Variants in HCFC2 observed in about 807,000 individuals in gnomAD.
HCFC2 encodes the protein host cell factor C2.
HCFC2 carries 18 observed loss-of-function variants against 89.2 expected under a neutral mutation model. The observed-to-expected ratio is 0.20, with a 90% CI of 0.14 to 0.30. The LOEUF is 0.30. Ranked by LOEUF, HCFC2 falls within the 10% of genes least tolerant of loss-of-function variation. The pLI is 1.00. For missense variants in HCFC2, 578 were observed against 956.1 expected, an observed-to-expected ratio of 0.60 and a Z score of 5.21; for synonymous variants, 308 against 335.7, an observed-to-expected ratio of 0.92 and a Z score of 0.90.
At chr12:104,101,743 A>G (rs1164200481) in intron 13 of HCFC2, among the ~76,000 whole-genome samples, 2 of 152,178 alleles carry the variant, frequency 1.3e-5, no homozygotes, top group Non-Finnish European at 2.9e-5. Context: ...TCTCAACTGG[A>G]AAGAGTGCTC....
At chr12:104,096,461 T>C in intron 12 of HCFC2, 28 bp downstream of exon 12, 2 of 1,468,786 alleles carry the variant, frequency 1.4e-6, no homozygotes, top group South Asian at 1.2e-5. Flanking sequence ...TGATGATGCA[T>C]GTTTACACAT....
intron 13 of HCFC2, among the ~76,000 whole-genome samples, chr12:104,101,474 C>T (rs2029936176): frequency 6.6e-6 from 1 of 150,450 alleles, no homozygotes; most frequent in Admixed American, 6.6e-5. Context: ...CAGAGTGAGA[C>T]TCCGTCTCCA....
At chr12:104,097,539 G>A (rs1884212174) in intron 12 of HCFC2, 1 of 281,664 alleles carries the variant, frequency 3.6e-6, no homozygotes. Context: ...AGCTCACTTT[G>A]TCATGTGTGA....
At position 104,066,189 on chromosome 12, in the gene HCFC2, A is replaced by G. The variant is rs1240706507; in HGVS notation, c.186A>G (p.Pro62=). 2 of 1,613,158 alleles carry G rather than the reference A, an allele frequency of 1.2e-6. No individual in the cohort carries two copies. Among genetic ancestry groups the G allele is most frequent in the Non-Finnish European group, 1.7e-6 (2 of 1,179,802 alleles). The change falls in exon 2 of 15, where the codon CCA becomes CCG. Residue 62 remains proline (P), a synonymous_variant. Transcript: ENST00000229330. ...YNTATNQWFL[P]AVRGDIPPGC... is the part of the protein sequence containing the mutation. ...TAGCTACGAATCAGTGGTTTCTGCC[A>G]GCTGTTAGAGGAGATATCCCTCCAG... is the stretch of plus-strand genomic sequence containing the variant.
chr12:104,089,613 T>C (rs1883967601), intron 9 of HCFC2, among the ~76,000 whole-genome samples: 2 of 152,224 alleles, frequency 1.3e-5, no homozygotes, highest in Non-Finnish European at 2.9e-5. Context: ...TCTTCAATAA[T>C]GAAAGATGAC....
At chr12:104,101,394 A>C (rs1415708525) in intron 13 of HCFC2, among the ~76,000 whole-genome samples, 1 of 151,876 alleles carries the variant, frequency 6.6e-6, no homozygotes, top group African/African-American at 2.4e-5. Context: ...CTGAGGCAGG[A>C]GAATCGCTTG....
At chr12:104,093,293 T>C (rs1884078078) in intron 9 of HCFC2, 93 bp from the exon 10 acceptor site, 1 of 757,738 alleles carries the variant, frequency 1.3e-6, no homozygotes. Flanking sequence ...TGATAAAAAG[T>C]ATTTAAATTG....
rs1566231499 is a variant in HCFC2, at chr12:104,085,738, G to GT, written c.1064-1109_1064-1108insT. Reference sequence around the variant, plus strand: ...TTTTTTTCACTTTTAGTTAAACTTTGCATTTGATAGCATGTAAAAGAGTAA... The same window carrying GT: ...TTTTTTTCACTTTTAGTTAAACTTTGTCATTTGATAGCATGTAAAAGAGTAA... On this transcript the variant is annotated intron_variant, in intron 7 of 14. Transcript: ENST00000229330. Among the ~76,000 whole-genome samples the GT allele has an allele frequency of 2.0e-5, 3 of 147,292 alleles. No homozygotes were observed. In the South Asian group the frequency reaches 6.4e-4, roughly 32 times the overall value.
Position 104,087,716 on chromosome 12 carries a change from G to A in HCFC2, c.1232-270G>A, listed in dbSNP as rs141280483. ...TAAATTGACATATTAGTTGACTTCA[G>A]CAGATGGCTTTAATTTGCTTTCATA... On this transcript the variant is annotated intron_variant, in intron 8 of 14. Coordinates refer to ENST00000229330, the MANE Select transcript of HCFC2 (RefSeq NM_013320.3). Among the ~76,000 whole-genome samples the A allele has an allele frequency of 4.0e-3, 613 of 151,926 alleles. 3 individuals are homozygous for A. The highest frequency in any genetic ancestry group is 0.014 in the African/African-American group (583 of 41,450).
At chr12:104,075,010 AT>A (rs1250453732) in intron 3 of HCFC2, among the ~76,000 whole-genome samples, 2 of 151,260 alleles carry the variant, frequency 1.3e-5, no homozygotes, top group African/African-American at 2.4e-5. Context: ...ATTTTTAGTA[AT>A]TTTTTTTGAG....
At position 104,079,613 on chromosome 12, in the gene HCFC2, G is replaced by T; in HGVS notation, c.642G>T (p.Met214Ile). The change falls in exon 4 of 15, where the codon ATG (methionine) becomes ATT (isoleucine). Residue 214 changes from methionine (M) to isoleucine (I), a missense_variant. Met to Ile is a conservative substitution (Grantham distance 10). Coordinates refer to ENST00000229330, the MANE Select transcript of HCFC2 (RefSeq NM_013320.3). ...CTAAAATGTATGTTTTTGGTGGAATGTGTGGTGCTCGCCTGGATGACCTAT... is the reference window on the plus strand; with the variant it reads ...CTAAAATGTATGTTTTTGGTGGAATTTGTGGTGCTCGCCTGGATGACCTAT... ...GSPKMYVFGG[M>I]CGARLDDLWQ... 6.2e-7 allele frequency: 1 copy of T among 1,614,134 alleles called. No homozygotes were observed. The highest frequency in any genetic ancestry group is 8.5e-7 in the Non-Finnish European group (1 of 1,180,008).
chr12:104,085,054 A>G (rs534591203), intron 7 of HCFC2, among the ~76,000 whole-genome samples: 11 of 152,294 alleles, frequency 7.2e-5, no homozygotes, highest in African/African-American at 2.6e-4. Context: ...TGGAGATGTA[A>G]TATGTGATGT....
intron 4 of HCFC2, 123 bp from the exon 5 acceptor site, chr12:104,080,623 T>C: frequency 1.8e-6 from 1 of 545,728 alleles, no homozygotes; most frequent in Non-Finnish European, 3.2e-6. Flanking sequence ...AATGTTCAAA[T>C]AACTGTTCTA....
At chr12:104,077,903 G>A (rs1197864064) in intron 3 of HCFC2, among the ~76,000 whole-genome samples, 1 of 151,956 alleles carries the variant, frequency 6.6e-6, no homozygotes, top group Non-Finnish European at 1.5e-5. Context: ...TGGTTATTTA[G>A]ATCTCATAAC....
At chr12:104,097,736 C>A in intron 12 of HCFC2, 1 of 602,524 alleles carries the variant, frequency 1.7e-6, no homozygotes, top group Non-Finnish European at 2.1e-6. Context: ...CTAAAAGTAG[C>A]TTAAGGTAGA....
At position 104,104,787 on chromosome 12, in the gene HCFC2, A is replaced by C. The variant is rs1042772394; in HGVS notation, c.*1514A>C. The C allele has an allele frequency of 1.1e-4, 16 of 152,048 alleles. No individual in the cohort carries two copies. Among genetic ancestry groups the C allele is most frequent in the Non-Finnish European group, 2.1e-4 (14 of 67,900 alleles). 9.4% of individuals were successfully genotyped at this position (152,048 alleles called of 1,614,324 possible). On this transcript the variant is annotated 3_prime_UTR_variant, in exon 15 of 15. Transcript: ENST00000229330. ...AGTTTCTCTTGAAGAAAATATGCAA[A>C]TTGTTAGACACATAATGAGTGGTTT...
rs199962994 is a variant in HCFC2, at chr12:104,102,937, GTT to G, written c.2065-17_2065-16del. Reference sequence around the variant, plus strand: ...GAGGAAACTTAAGAACCTTTAACCTGTTTTTTCCCCCCCCCTTCAAGAATGTT... The same window carrying G: ...GAGGAAACTTAAGAACCTTTAACCTGTTTTCCCCCCCCCTTCAAGAATGTT... On this transcript the variant is annotated intron_variant, in intron 14 of 14. Coordinates refer to ENST00000229330, the MANE Select transcript of HCFC2 (RefSeq NM_013320.3). The G allele has an allele frequency of 3.2e-4, 511 of 1,573,738 alleles. 4 individuals carry two copies. In the African/African-American group the frequency reaches 6.2e-3, roughly 19 times the overall value.
Position 104,082,837 on chromosome 12 carries a change from A to G in HCFC2, c.999A>G (p.Arg333=). Residue 333 remains arginine, a synonymous_variant, in exon 7 of 15, where the codon AGA becomes AGG. Transcript: ENST00000229330. ...CTCGATTGTATTTTTGGAGTGGAAG[A>G]GATGGCTACAAAAAAGCACTGAATA... ...IGTRLYFWSG[R]DGYKKALNSQ... 6.2e-7 allele frequency: 1 copy of G among 1,613,912 alleles called. No homozygotes were observed. The highest frequency in any genetic ancestry group is 8.5e-7 in the Non-Finnish European group (1 of 1,179,914).
intron 1 of HCFC2, chr12:104,065,060 C>T (rs1593586235): frequency 1.3e-5 from 3 of 228,100 alleles, no homozygotes; most frequent in East Asian, 1.8e-4. Flanking sequence ...GAAATCTCGC[C>T]TCTGTCAAAA....
Sources: gnomAD v4.1 joint callset for allele counts (sites outside exome capture counted in the v4.1 genomes callset) on GRCh38, gnomAD v4.1.1 for gene constraint, MANE v1.5 for transcripts, NCBI Gene and HGNC (gene_info 2026-07-23, HGNC 2026-07-21) for gene names.